Variants in MYLK4 observed in about 807,000 individuals in gnomAD.
MYLK4 encodes the protein caMLCK like.
MYLK4 carries 46 observed loss-of-function variants against 48.1 expected under a neutral mutation model. The observed-to-expected ratio is 0.96, with a 90% CI of 0.75 to 1.22. The LOEUF is 1.22. MYLK4 is among the 50% of genes most tolerant of loss of function. The probability of loss-of-function intolerance (pLI) is 0.00; values close to 1 mark genes in which losing one functional copy is unlikely to be tolerated. For synonymous variants in MYLK4, 170 were observed against 180.8 expected (o/e 0.94, Z 0.48); for missense variants, 451 against 486.1 (o/e 0.93, Z 0.68).
chr6:2,685,297 A>G lies in MYLK4; in HGVS notation c.544T>C (p.Tyr182His). ...GGAGGGGGCGGAGGGGATACGTACT[A>G]CTCCATGACCAGGACAATGTCGTTC... Reference protein sequence around the residue: ...SKNDIVLVMEYVDGGELFDRI... With the variant: ...SKNDIVLVMEHVDGGELFDRI... The change falls in exon 6 of 13, where the codon TAT becomes CAT. Residue 182 changes from tyrosine to histidine, a missense_variant and splice_region_variant. By Grantham distance (83) the Tyr-to-His change is moderately conservative. Transcript: ENST00000274643. This position sits in a 1 kb window ranked among gnomAD's most constrained non-coding sequence, Gnocchi z 4.5. 1 of 1,609,528 alleles carries G rather than the reference A, an allele frequency of 6.2e-7. No homozygotes were observed. The highest frequency in any genetic ancestry group is 1.1e-5 in the South Asian group (1 of 90,984).
the MYLK4 span, among the ~76,000 whole-genome samples, chr6:2,764,202 T>G: frequency 3.3e-5 from 5 of 152,356 alleles, no homozygotes; most frequent in South Asian, 1.0e-3. Context: ...TTAACTTGTT[T>G]CTCTAGCGTT....
At chr6:2,708,631 T>C (rs765331106) in intron 2 of MYLK4, among the ~76,000 whole-genome samples, 6 of 152,198 alleles carry the variant, frequency 3.9e-5, no homozygotes, top group South Asian at 2.1e-4. Flanking sequence ...AAGGTTGTTG[T>C]TTTGGTTACA....
intron 2 of MYLK4, among the ~76,000 whole-genome samples, chr6:2,701,048 C>T (rs1272685132): frequency 1.3e-5 from 2 of 152,210 alleles, no homozygotes; most frequent in African/African-American, 4.8e-5. Flanking sequence ...TGTCAACCGA[C>T]TTCAAATGGA....
At chr6:2,717,743 A>T (rs1363634064) in intron 2 of MYLK4, among the ~76,000 whole-genome samples, 1 of 152,218 alleles carries the variant, frequency 6.6e-6, no homozygotes, top group African/African-American at 2.4e-5. Context: ...GTTCCTGATA[A>T]TAGTTCAGGA....
At chr6:2,694,682 C>G (rs1761995305) in intron 2 of MYLK4, among the ~76,000 whole-genome samples, 1 of 133,902 alleles carries the variant, frequency 7.5e-6, no homozygotes, top group African/African-American at 2.9e-5. Context: ...TGACAGCTAC[C>G]ATGTATTGTG....
the MYLK4 span, chr6:2,765,316 G>A: frequency 4.6e-6 from 1 of 217,586 alleles, no homozygotes; most frequent in East Asian, 1.0e-4. Flanking sequence ...GCGGTGATTG[G>A]GGCAAACGGC....
In MYLK4 at chr6:2,685,683, C is replaced by T. The variant is rs1169787918; in HGVS notation, c.342-107G>A. 4 of 903,094 alleles carry T rather than the reference C, an allele frequency of 4.4e-6. No homozygotes were observed. Among genetic ancestry groups the T allele is most frequent in the East Asian group, 2.4e-5 (1 of 40,972 alleles). The allele number at this position is 903,094 out of a possible 1,614,324, so 55.9% of individuals were successfully genotyped here. A position where few individuals can be genotyped will look rare whatever the true frequency, so the allele number is the denominator to read the frequency against. Reference sequence around the variant, plus strand: ...TCCTGCTGAGTCTGGATGAGCAGCCCTCTGAGGAGTTCTTTCAGTAAACTT... The same window carrying T: ...TCCTGCTGAGTCTGGATGAGCAGCCTTCTGAGGAGTTCTTTCAGTAAACTT... On this transcript the variant is annotated intron_variant, in intron 4 of 12. Transcript: ENST00000274643. The surrounding 1 kb of genome is among the most constrained non-coding windows in gnomAD (Gnocchi z 4.5).
chr6:2,712,420 T>C (rs1057360055), intron 2 of MYLK4, among the ~76,000 whole-genome samples: 6 of 152,100 alleles, frequency 3.9e-5, no homozygotes, highest in Non-Finnish European at 7.3e-5. Context: ...TAAACTCAAG[T>C]AGAGAGCCAA....
rs138707270 is a variant in MYLK4, at chr6:2,702,982, G to A, written c.160-10123C>T. On this transcript the variant is annotated intron_variant, in intron 2 of 12. Transcript: ENST00000274643. ...TGGACGTGGGGGAAATATTCAGCTG[G>A]TATGCTGGTACCATCCTAGTTATTA... Among the ~76,000 whole-genome samples, 1,267 of 152,222 alleles carry A rather than the reference G, an allele frequency of 8.3e-3. 12 individuals carry two copies. Among genetic ancestry groups the A allele is most frequent in the South Asian group, 0.026 (123 of 4,814 alleles).
rs901376374 is a variant in MYLK4 at position 2,685,324 on chromosome 6, T to G, written c.517A>C (p.Lys173Gln). ...LIQLYDAFES[K>Q]NDIVLVMEYV... ...TCCATGACCAGGACAATGTCGTTCT[T>G]AGACTCGAAGGCATCGTACAGCTGG... The change falls in exon 6 of 13, where the codon AAG becomes CAG. Residue 173 changes from lysine to glutamine, a missense_variant. Transcript: ENST00000274643. This position sits in a 1 kb window ranked among gnomAD's most constrained non-coding sequence, Gnocchi z 4.5. 1.9e-6 allele frequency: 3 copies of G among 1,613,286 alleles called. No individual in the cohort carries two copies. Among genetic ancestry groups the G allele is most frequent in the Non-Finnish European group, 2.5e-6 (3 of 1,179,684 alleles).
intron 1 of MYLK4, among the ~76,000 whole-genome samples, chr6:2,750,218 T>C (rs1018274623): frequency 2.0e-5 from 3 of 152,222 alleles, no homozygotes; most frequent in African/African-American, 7.2e-5. Context: ...GAGCATTTTC[T>C]CCGCTTAAAA....
the MYLK4 span, chr6:2,768,753 A>C: frequency 6.2e-7 from 1 of 1,613,990 alleles, no homozygotes; most frequent in Non-Finnish European, 8.5e-7. Flanking sequence ...TTGTGACATT[A>C]TCTGCAACAA....
intron 10 of MYLK4, 131 bp from the exon 11 acceptor site, chr6:2,675,256 C>A (rs1761042963): frequency 2.9e-6 from 2 of 690,568 alleles, no homozygotes; most frequent in Non-Finnish European, 5.3e-6. Flanking sequence ...TCAATTCTGC[C>A]TTCTCTTGAA....
rs552448864 is a variant in MYLK4, at chr6:2,673,806, G to A, written c.1119+1241C>T. 6.6e-6 allele frequency among the ~76,000 whole-genome samples: 1 copy of A among 152,206 alleles called. No homozygotes were observed. The highest frequency in any genetic ancestry group is 1.9e-4 in the East Asian group (1 of 5,192). On this transcript the variant is annotated intron_variant, in intron 11 of 12. Coordinates refer to ENST00000274643, the MANE Select transcript of MYLK4 (RefSeq NM_001012418.5). This position sits in a 1 kb window ranked among gnomAD's most constrained non-coding sequence, Gnocchi z 4.2. ...AGGAGGCTGCAGTCACTCAGGGGAG[G>A]CATGTCCCAGGCCACGGTCACCATG...
intron 2 of MYLK4, among the ~76,000 whole-genome samples, chr6:2,710,270 GT>G (rs528511551): frequency 4.6e-5 from 7 of 152,304 alleles, no homozygotes; most frequent in African/African-American, 1.7e-4. Flanking sequence ...CTCAAGCCAT[GT>G]GGTTCCTTAG....
intron 2 of MYLK4, chr6:2,744,159 TAC>T: frequency 2.5e-6 from 1 of 397,082 alleles, no homozygotes; most frequent in Non-Finnish European, 4.4e-6. Flanking sequence ...GTCACCGAAT[TAC>T]AGAGGGTTCT....
the MYLK4 span, among the ~76,000 whole-genome samples, chr6:2,763,515 G>C: frequency 2.6e-5 from 4 of 152,236 alleles, no homozygotes; most frequent in African/African-American, 9.6e-5. Flanking sequence ...TGTCCCAAGT[G>C]CTAAGCTCCT....
At chr6:2,770,040 A>G in the MYLK4 span, 1 of 1,579,550 alleles carries the variant, frequency 6.3e-7, no homozygotes. Context: ...AAAAGGAAGG[A>G]AGGGATAGCC....
intron 12 of MYLK4, 69 bp downstream of exon 12, chr6:2,671,207 C>T: frequency 9.1e-7 from 1 of 1,096,342 alleles, no homozygotes; most frequent in South Asian, 1.3e-5. Flanking sequence ...TGAGCAAATG[C>T]TCCATTTATT....
Sources: gnomAD v4.1 joint callset for allele counts (sites outside exome capture counted in the v4.1 genomes callset) on GRCh38, gnomAD v4.1.1 for gene constraint, Gnocchi (gnomAD v3.1) non-coding constraint, MANE v1.5 for transcripts, NCBI Gene and HGNC (gene_info 2026-07-23, HGNC 2026-07-21) for gene names.